The following ASCC3 variants were observed in gnomAD, a reference collection of about 807,000 sequenced individuals.
The protein encoded by ASCC3 is activating signal cointegrator 1 complex subunit 3, also known as ASC-1 complex subunit P200.
ASCC3 carries 158 observed loss-of-function variants against 256.3 expected under a neutral mutation model. The observed-to-expected ratio is 0.62, with a 90% confidence interval of 0.54 to 0.70. The LOEUF is 0.70. Among genes scored for constraint, ASCC3 ranks in the 30% least tolerant of loss-of-function variants. The probability of loss-of-function intolerance (pLI) is 0.00; values close to 1 mark genes in which losing one functional copy is unlikely to be tolerated. For missense variants in ASCC3, 2,259 were observed against 2,626.0 expected (o/e 0.86, Z 3.05); for synonymous variants, 948 against 883.4 (o/e 1.07, Z -1.30).
chr6:100,868,110 T>C, intron 1 of ASCC3, 72 bp from the exon 2 acceptor site: 1 of 855,026 alleles, frequency 1.2e-6, no homozygotes, highest in East Asian at 2.6e-5. Flanking sequence ...ACAAATTAGC[T>C]TGTACAAGAG....
intron 11 of ASCC3, among the ~76,000 whole-genome samples, chr6:100,725,230 A>C (rs939411476): frequency 6.6e-6 from 1 of 151,992 alleles, no homozygotes; most frequent in Non-Finnish European, 1.5e-5. Context: ...TCTACCAGAA[A>C]ACATCAGTTA....
chr6:100,765,450 G>A (rs754053982), intron 10 of ASCC3, among the ~76,000 whole-genome samples: 35 of 152,188 alleles, frequency 2.3e-4, no homozygotes, highest in African/African-American at 4.6e-4. Flanking sequence ...CAGCTTCATC[G>A]GCATGATAAA....
intron 34 of ASCC3, among the ~76,000 whole-genome samples, chr6:100,599,606 G>T (rs953781458): frequency 6.6e-6 from 1 of 151,650 alleles, no homozygotes; most frequent in Non-Finnish European, 1.5e-5. Flanking sequence ...TGGGTGAAGG[G>T]TATACAGTGC....
At chr6:100,746,202 G>A (rs1780667349) in intron 10 of ASCC3, among the ~76,000 whole-genome samples, 1 of 97,988 alleles carries the variant, frequency 1.0e-5, no homozygotes, top group South Asian at 2.7e-4. Flanking sequence ...CCTGACCAAA[G>A]ACCTAAGTGG....
chr6:100,731,603 C>T (rs950512730), intron 10 of ASCC3, among the ~76,000 whole-genome samples: 20 of 152,210 alleles, frequency 1.3e-4, no homozygotes, highest in African/African-American at 4.6e-4. Context: ...TTGCTGTTCA[C>T]ATGTGACTAA....
chr6:100,541,175 T>C (rs1775442810), intron 36 of ASCC3, among the ~76,000 whole-genome samples: 1 of 152,100 alleles, frequency 6.6e-6, no homozygotes, highest in Admixed American at 6.5e-5. Context: ...TTATTTGAGA[T>C]TGTCCATGGA....
intron 10 of ASCC3, among the ~76,000 whole-genome samples, chr6:100,746,668 GGAAAAAGTTATC>G (rs1232111018): frequency 2.6e-5 from 4 of 151,944 alleles, no homozygotes; most frequent in Non-Finnish European, 5.9e-5. Flanking sequence ...AGTAATAGGT[GGAAAAAGTTATC>G]AAAAATTAGT....
At chr6:100,510,770 A>T (rs1157186504) in intron 40 of ASCC3, among the ~76,000 whole-genome samples, 1 of 152,198 alleles carries the variant, frequency 6.6e-6, no homozygotes, top group African/African-American at 2.4e-5. Context: ...ATCGCACTTG[A>T]GGTCTTTATT....
At chr6:100,512,615 T>A in intron 40 of ASCC3, 94 bp downstream of exon 40, 5 of 1,289,944 alleles carry the variant, frequency 3.9e-6, no homozygotes, top group Non-Finnish European at 5.6e-6. Context: ...GATTCATGAA[T>A]GACACGGGCA....
chr6:100,800,396 T>C lies in ASCC3; in HGVS notation c.1031A>G (p.Glu344Gly), dbSNP rs867264941. Reference protein sequence around the residue: ...KQLMKQYRREEKRIARREKKA... With the variant: ...KQLMKQYRREGKRIARREKKA... The stretch of plus-strand genomic sequence containing the variant: ...TTTTTCTCGTCTGGCAATTCTTTTT[T>C]CTTCACGTCGATATTGTTTCATTAA... Residue 344 changes from glutamate (E) to glycine (G), a missense_variant, in exon 6 of 42, where the codon GAA becomes GGA. Transcript: ENST00000369162. The C allele has an allele frequency of 9.9e-6, 16 of 1,612,818 alleles. 1 individual carries two copies. The Middle Eastern group carries it at 1.6e-3, about 166-fold the overall frequency.
At chr6:100,851,718 C>G (rs1772677123) in intron 3 of ASCC3, among the ~76,000 whole-genome samples, 1 of 152,170 alleles carries the variant, frequency 6.6e-6, no homozygotes, top group Non-Finnish European at 1.5e-5. Flanking sequence ...GACACGTGTT[C>G]ATACCACAGA....
At chr6:100,540,453 T>A in intron 36 of ASCC3, 66 bp from the exon 37 acceptor site, 1 of 1,327,232 alleles carries the variant, frequency 7.5e-7, no homozygotes, top group Non-Finnish European at 1.1e-6. Flanking sequence ...TTCTTAGCTT[T>A]ACTGACATTT....
intron 13 of ASCC3, among the ~76,000 whole-genome samples, chr6:100,704,157 T>C (rs771461924): frequency 1.3e-5 from 2 of 151,974 alleles, no homozygotes; most frequent in African/African-American, 2.4e-5. Flanking sequence ...ATGATTCCTT[T>C]AGATTTTCTT....
At chr6:100,656,315 C>T (rs151637) in intron 16 of ASCC3, among the ~76,000 whole-genome samples, 85,203 of 151,280 alleles carry the variant, frequency 0.56, 24,210 homozygotes, top group East Asian at 0.73. Context: ...CCTCCCAAGA[C>T]ACGAATTTGC....
chr6:100,593,650 T>C (rs746293180), intron 34 of ASCC3, among the ~76,000 whole-genome samples: 3 of 152,092 alleles, frequency 2.0e-5, no homozygotes, highest in Non-Finnish European at 4.4e-5. Context: ...TTTTCATCAG[T>C]ATTGAAATGC....
chr6:100,818,290 C>G (rs531269368), intron 4 of ASCC3, among the ~76,000 whole-genome samples: 2 of 152,124 alleles, frequency 1.3e-5, no homozygotes, highest in African/African-American at 4.8e-5. Flanking sequence ...CACAGCTGGC[C>G]AGGCACGGTG....
chr6:100,602,293 C>A (rs931416849), intron 33 of ASCC3, among the ~76,000 whole-genome samples: 1 of 151,922 alleles, frequency 6.6e-6, no homozygotes, highest in African/African-American at 2.4e-5. Context: ...TAGAATGTCA[C>A]AAAAGTACTA....
rs751461231 is a variant in ASCC3, at chr6:100,767,397, A to C, written c.1396-52T>G. The C allele has an allele frequency of 9.2e-6, 14 of 1,518,502 alleles. 1 individual carries two copies. In the South Asian group the frequency reaches 1.6e-4, roughly 17 times the overall value. The allele number at this position is 1,518,502 out of a possible 1,614,324, so 94.1% of individuals were successfully genotyped here. On this transcript the variant is annotated intron_variant, in intron 8 of 41. Coordinates refer to ENST00000369162, the MANE Select transcript of ASCC3 (RefSeq NM_006828.4). ...TAAATAGTAACAATGTGAAGGACCC[A>C]TACAAATCATTATGTGTTAACATTT...
chr6:100,534,293 T>C (rs240787), intron 37 of ASCC3, among the ~76,000 whole-genome samples: 111,577 of 152,088 alleles, frequency 0.73, 42,191 homozygotes, highest in African/African-American at 0.93. Context: ...AAACAAAAAA[T>C]ACACAAAAAA....
Sources: allele counts gnomAD v4.1 joint callset (sites outside exome capture counted in the v4.1 genomes callset), GRCh38; gene constraint gnomAD v4.1.1; transcripts MANE v1.5; gene names NCBI Gene and HGNC (gene_info 2026-07-23, HGNC 2026-07-21).